The following VPS8 variants were observed in gnomAD, a reference collection of about 807,000 sequenced individuals.
The protein encoded by VPS8 is VPS8 subunit of CORVET complex.
A neutral mutation model predicts 216.4 loss-of-function variants in VPS8; 129 were observed. The observed-to-expected ratio is 0.60, with a 90% CI of 0.52 to 0.69. The LOEUF (loss-of-function observed/expected upper bound fraction) is 0.69, where lower values mean the gene tolerates loss of function less well. Among genes scored for constraint, VPS8 ranks in the 30% least tolerant of loss-of-function variants. The probability of loss-of-function intolerance (pLI) is 0.00; values close to 1 mark genes in which losing one functional copy is unlikely to be tolerated. For synonymous variants in VPS8, 571 were observed against 565.4 expected (o/e 1.01, Z -0.14); for missense variants, 1,531 against 1,683.5 (o/e 0.91, Z 1.59).
intron 21 of VPS8, among the ~76,000 whole-genome samples, chr3:184,879,078 C>A (rs905114883): frequency 6.6e-6 from 1 of 152,174 alleles, no homozygotes; most frequent in Non-Finnish European, 1.5e-5. Context: ...TCTGTTATTT[C>A]TTTTCAAATC....
intron 42 of VPS8, among the ~76,000 whole-genome samples, chr3:184,988,443 T>C (rs571568908): frequency 6.6e-6 from 1 of 152,340 alleles, no homozygotes; most frequent in East Asian, 1.9e-4. Flanking sequence ...CCTTTCTCCA[T>C]TGAATTGCCT....
At chr3:184,936,219 T>C (rs1741582282) in intron 34 of VPS8, 27 bp from the exon 35 acceptor site, 2 of 1,581,652 alleles carry the variant, frequency 1.3e-6, no homozygotes, top group Non-Finnish European at 1.7e-6. Flanking sequence ...CCATTAGAGA[T>C]GGCTTTGTCT....
intron 45 of VPS8, among the ~76,000 whole-genome samples, chr3:185,023,466 G>T (rs372254607): frequency 2.6e-5 from 4 of 151,988 alleles, no homozygotes; most frequent in Non-Finnish European, 5.9e-5. Context: ...AGGCCAAGAC[G>T]GGCAGTCATC....
intron 46 of VPS8, among the ~76,000 whole-genome samples, chr3:185,027,328 C>CG (rs1433227523): frequency 8.4e-5 from 12 of 142,538 alleles, no homozygotes; most frequent in African/African-American, 3.2e-4. Context: ...CTGCAAGCTT[C>CG]GCCTCCCGGG....
In VPS8 at chr3:184,834,425, A is replaced by G. The variant is rs566139522; in HGVS notation, c.354-224A>G. On this transcript the variant is annotated intron_variant, in intron 4 of 47. Coordinates refer to ENST00000625842, the MANE Select transcript of VPS8 (RefSeq NM_001009921.3). Reference sequence around the variant, plus strand: ...AATGATGAGTTAATGGGTGCAGTACACCAACATGGCACATGTATACATATG... The same window carrying G: ...AATGATGAGTTAATGGGTGCAGTACGCCAACATGGCACATGTATACATATG... Among the ~76,000 whole-genome samples, 6 of 152,278 alleles carry G rather than the reference A, an allele frequency of 3.9e-5. No individual in the cohort carries two copies. In the East Asian group the frequency reaches 9.7e-4, roughly 24 times the overall value.
chr3:184,855,389 G>T (rs967117013), intron 13 of VPS8, among the ~76,000 whole-genome samples: 1 of 152,048 alleles, frequency 6.6e-6, no homozygotes, highest in Non-Finnish European at 1.5e-5. Flanking sequence ...CATATTATTA[G>T]CTAGAGTTTA....
intron 25 of VPS8, among the ~76,000 whole-genome samples, chr3:184,912,567 C>A (rs1336296702): frequency 1.3e-5 from 2 of 151,920 alleles, no homozygotes. Flanking sequence ...CTTTATTTTT[C>A]TTTCACTCGT....
At chr3:184,827,637 A>C (rs1305715208) in intron 3 of VPS8, among the ~76,000 whole-genome samples, 4 of 152,252 alleles carry the variant, frequency 2.6e-5, no homozygotes, top group Admixed American at 2.6e-4. Flanking sequence ...AAAGAAAATA[A>C]TGCTCATGTG....
At chr3:184,998,363 A>G (rs1415289369) in intron 44 of VPS8, among the ~76,000 whole-genome samples, 2 of 151,894 alleles carry the variant, frequency 1.3e-5, no homozygotes, top group Non-Finnish European at 2.9e-5. Context: ...ATGAAGTAAG[A>G]AGTGGTAGGA....
intron 36 of VPS8, among the ~76,000 whole-genome samples, chr3:184,956,546 C>T (rs1745634035): frequency 6.6e-6 from 1 of 152,014 alleles, no homozygotes; most frequent in Non-Finnish European, 1.5e-5. Context: ...TGAGGAATTC[C>T]GAAGAGAAGA....
rs1713466551 is a variant in VPS8, at chr3:185,048,548, G to C, written c.4126G>C (p.Gly1376Arg). Residue 1376 changes from glycine (G) to arginine (R), a missense_variant, in exon 47 of 48, where the codon GGA becomes CGA. By Grantham distance (125) the Gly-to-Arg change is moderately radical (BLOSUM62 -2). Transcript: ENST00000625842. ...AFDQLCRLYR[G>R]SSRLALLTEL... ...TGATCAGCTTTGCCGTCTCTACCGA[G>C]GAAGCTCCAGGGTAATGTTTGCGTG... The C allele has an allele frequency of 6.2e-7, 1 of 1,613,786 alleles. No homozygotes were observed. The highest frequency in any genetic ancestry group is 1.3e-5 in the African/African-American group (1 of 74,904).
intron 45 of VPS8, among the ~76,000 whole-genome samples, chr3:185,002,651 T>A (rs1168566473): frequency 6.6e-6 from 1 of 152,192 alleles, no homozygotes; most frequent in Admixed American, 6.5e-5. Flanking sequence ...TTCATTCTTA[T>A]GCTTTTGCAT....
intron 25 of VPS8, among the ~76,000 whole-genome samples, chr3:184,904,493 G>A (rs918223783): frequency 6.6e-6 from 1 of 152,138 alleles, no homozygotes; most frequent in African/African-American, 2.4e-5. Flanking sequence ...GATATGATCT[G>A]TTTAATTGAT....
chr3:184,886,227 A>C (rs1731204059), intron 22 of VPS8, 71 bp downstream of exon 22: 10 of 1,385,286 alleles, frequency 7.2e-6, no homozygotes, highest in Middle Eastern at 3.6e-4. Flanking sequence ...AGCCATTGCT[A>C]AGAATTCTAT....
At chr3:184,901,190 C>G in intron 25 of VPS8, 1 of 501,016 alleles carries the variant, frequency 2.0e-6, no homozygotes, top group Non-Finnish European at 3.5e-6. Flanking sequence ...CACAGCCCTG[C>G]TCTGGGCAGT....
At chr3:184,868,153 G>T in intron 18 of VPS8, 94 bp downstream of exon 18, 3 of 1,339,140 alleles carry the variant, frequency 2.2e-6, no homozygotes, top group Non-Finnish European at 3.2e-6. Context: ...TATTTGGTAA[G>T]CTTCTTAATT....
intron 34 of VPS8, among the ~76,000 whole-genome samples, chr3:184,932,454 CA>C (rs991077747): frequency 6.6e-6 from 1 of 151,940 alleles, no homozygotes; most frequent in African/African-American, 2.4e-5. Flanking sequence ...ATAAAGCATT[CA>C]AAAAAGTACA....
intron 46 of VPS8, among the ~76,000 whole-genome samples, chr3:185,040,088 C>G (rs1227890148): frequency 6.6e-6 from 1 of 152,130 alleles, no homozygotes; most frequent in Non-Finnish European, 1.5e-5. Flanking sequence ...AATAGAGTGA[C>G]AAATCACTCA....
chr3:184,831,225 G>A (rs1405751904), intron 3 of VPS8, among the ~76,000 whole-genome samples: 1 of 152,218 alleles, frequency 6.6e-6, no homozygotes, highest in African/African-American at 2.4e-5. Flanking sequence ...GCTTCTTGGA[G>A]GCTGGAGTGG....
Sources: allele counts gnomAD v4.1 joint callset (sites outside exome capture counted in the v4.1 genomes callset), GRCh38; gene constraint gnomAD v4.1.1; transcripts MANE v1.5; gene names NCBI Gene and HGNC (gene_info 2026-07-23, HGNC 2026-07-21).